The following ST7 variants were observed in gnomAD, a reference collection of about 807,000 sequenced individuals.
ST7 encodes suppression of tumorigenicity 7.
ST7 carries 28 observed loss-of-function variants against 78.7 expected under a neutral mutation model. That is an observed-to-expected ratio of 0.36 (90% CI 0.26 to 0.49). ST7 has a LOEUF of 0.49. ST7 is among the 20% of genes least tolerant of loss of function. ST7 has a pLI of 0.99. For missense variants in ST7, 418 were observed against 696.0 expected, an observed-to-expected ratio of 0.60 and a Z score of 4.49; for synonymous variants, 247 against 249.6, an observed-to-expected ratio of 0.99 and a Z score of 0.10.
intron 1 of ST7, among the ~76,000 whole-genome samples, chr7:117,060,467 T>C (rs1441486182): frequency 6.6e-6 from 1 of 152,124 alleles, no homozygotes; most frequent in Non-Finnish European, 1.5e-5. Context: ...TCTTATCAAG[T>C]CATTACAATG....
intron 9 of ST7, among the ~76,000 whole-genome samples, chr7:117,164,058 G>A (rs1164700613): frequency 1.3e-5 from 2 of 152,130 alleles, no homozygotes; most frequent in East Asian, 3.9e-4. Flanking sequence ...AATAGCCAAA[G>A]CAATTCTAAG....
intron 1 of ST7, among the ~76,000 whole-genome samples, chr7:117,031,882 A>ATTT (rs760153477): frequency 9.1e-6 from 1 of 110,346 alleles, no homozygotes; most frequent in Non-Finnish European, 1.8e-5. Flanking sequence ...ATATATATAT[A>ATTT]TTTTTTTTTT....
chr7:117,117,337 G>T (rs971319501), intron 2 of ST7, among the ~76,000 whole-genome samples: 1 of 152,306 alleles, frequency 6.6e-6, no homozygotes, highest in East Asian at 1.9e-4. Flanking sequence ...ACATAGACTT[G>T]TAGTGGCAGG....
rs1345041107 is a variant in ST7, at chr7:117,230,074, C to A, written c.*217C>A. The A allele has an allele frequency of 1.4e-6, 1 of 708,142 alleles. No homozygotes were observed. Among genetic ancestry groups the A allele is most frequent in the East Asian group, 2.7e-5 (1 of 36,710 alleles). The allele number at this position is 708,142 out of a possible 1,614,324, so 43.9% of individuals were successfully genotyped here. On this transcript the variant is annotated 3_prime_UTR_variant, in exon 16 of 16. Transcript: ENST00000323984. ...TTTTGCCTTCAGAAAAGAAGAAAGT[C>A]AAAAATAAAACTTTTGTGTATTACA...
intron 13 of ST7, among the ~76,000 whole-genome samples, chr7:117,217,171 G>A (rs911177524): frequency 7.3e-5 from 11 of 151,652 alleles, no homozygotes; most frequent in Non-Finnish European, 1.6e-4. Flanking sequence ...ATAAAATTTA[G>A]CATTCAAATT....
chr7:117,196,201 T>A (rs1810289773), intron 12 of ST7, among the ~76,000 whole-genome samples: 1 of 152,242 alleles, frequency 6.6e-6, no homozygotes, highest in South Asian at 2.1e-4. Context: ...ATCTCTTGGC[T>A]ATTGTGAATA....
intron 1 of ST7, among the ~76,000 whole-genome samples, chr7:117,039,548 T>C (rs1297772722): frequency 6.7e-6 from 1 of 150,106 alleles, no homozygotes; most frequent in Non-Finnish European, 1.5e-5. Flanking sequence ...AACTCCAGCC[T>C]GGGCGACAGA....
In ST7 at chr7:117,161,591, CTTTTTTT is replaced by C. The variant is rs60505994; in HGVS notation, c.964-9257_964-9251del. ...TTTTTTCAGTTTGTTTTCTTTCTTT[CTTTTTTT>C]TTTTTTTTTTTTTCTTTCCAAGATG... On this transcript the variant is annotated intron_variant, in intron 9 of 15. Coordinates refer to ENST00000323984, the MANE Select transcript of ST7 (RefSeq NM_001369598.1). Among the ~76,000 whole-genome samples the C allele has an allele frequency of 3.2e-4, 36 of 113,584 alleles. No homozygotes were observed. The East Asian group carries it at 3.9e-3, about 12-fold the overall frequency. 74.5% of individuals were successfully genotyped at this position (113,584 alleles called of 152,430 possible).
intron 10 of ST7, 26 bp downstream of exon 10, chr7:117,171,002 CT>C: frequency 6.9e-7 from 1 of 1,439,596 alleles, no homozygotes; most frequent in South Asian, 1.2e-5. Context: ...TTTTTATTTA[CT>C]TGACTATTCC....
intron 2 of ST7, among the ~76,000 whole-genome samples, chr7:117,119,098 C>T (rs1232118037): frequency 6.6e-6 from 1 of 152,118 alleles, no homozygotes; most frequent in African/African-American, 2.4e-5. Flanking sequence ...ACCCCCACTC[C>T]TTCCTGCCCC....
chr7:117,150,149 G>A (rs1001721501), intron 9 of ST7, among the ~76,000 whole-genome samples: 31 of 152,084 alleles, frequency 2.0e-4, no homozygotes, highest in African/African-American at 7.2e-4. Context: ...GTGGTTGTCT[G>A]AGGTGGGAAG....
At chr7:116,996,126 G>T (rs1214907362) in intron 1 of ST7, among the ~76,000 whole-genome samples, 1 of 144,286 alleles carries the variant, frequency 6.9e-6, no homozygotes, top group Non-Finnish European at 1.5e-5. Context: ...CTGTCGTCCA[G>T]GTTGGAGTGC....
intron 7 of ST7, among the ~76,000 whole-genome samples, chr7:117,135,133 G>A (rs1804680204): frequency 6.6e-6 from 1 of 152,062 alleles, no homozygotes; most frequent in African/African-American, 2.4e-5. Context: ...TGCAGGACCT[G>A]CGTGGTCTGT....
Position 116,955,242 on chromosome 7 carries a change from T to C in ST7, c.151+1551T>C, listed in dbSNP as rs187482076. 405 of 394,290 alleles carry C rather than the reference T, an allele frequency of 1.0e-3. 2 individuals are homozygous for C. Among genetic ancestry groups the C allele is most frequent in the Middle Eastern group, 4.9e-3 (9 of 1,844 alleles). 24.4% of individuals were successfully genotyped at this position (394,290 alleles called of 1,614,324 possible). ...TGTTTTAATGGAATTACGTATTTGT[T>C]GGTAACAGTGTTAGTCTGTTTTGTG... On this transcript the variant is annotated intron_variant, in intron 1 of 15. Coordinates refer to ENST00000323984, the MANE Select transcript of ST7 (RefSeq NM_001369598.1).
chr7:116,977,763 A>AG (rs1793770056), intron 1 of ST7, among the ~76,000 whole-genome samples: 1 of 152,208 alleles, frequency 6.6e-6, no homozygotes, highest in Non-Finnish European at 1.5e-5. Flanking sequence ...CATGTTGGTC[A>AG]GGATGGTCTC....
At chr7:117,039,108 C>G (rs986710892) in intron 1 of ST7, among the ~76,000 whole-genome samples, 1 of 151,706 alleles carries the variant, frequency 6.6e-6, no homozygotes, top group Non-Finnish European at 1.5e-5. Flanking sequence ...GCATTTTTTT[C>G]TCTATAAATA....
rs190779587 is a variant in ST7, at chr7:116,983,100, A to G, written c.151+29409A>G. 7.9e-5 allele frequency among the ~76,000 whole-genome samples: 12 copies of G among 152,066 alleles called. No homozygotes were observed. The East Asian group carries it at 2.1e-3, about 27-fold the overall frequency. Reference sequence around the variant, plus strand: ...TTGAGTAGAGATGTGGTTTCATCATATTGGCCAAGCTGGTCTTGAACTCTT... The same window carrying G: ...TTGAGTAGAGATGTGGTTTCATCATGTTGGCCAAGCTGGTCTTGAACTCTT... On this transcript the variant is annotated intron_variant, in intron 1 of 15. Coordinates refer to ENST00000323984, the MANE Select transcript of ST7 (RefSeq NM_001369598.1).
chr7:117,004,772 TA>T (rs1348229071), intron 1 of ST7, among the ~76,000 whole-genome samples: 1 of 152,230 alleles, frequency 6.6e-6, no homozygotes, highest in Non-Finnish European at 1.5e-5. Flanking sequence ...AGAATAATTT[TA>T]AAATAATACC....
At chr7:117,210,749 G>A (rs1792218917) in intron 13 of ST7, among the ~76,000 whole-genome samples, 1 of 152,146 alleles carries the variant, frequency 6.6e-6, no homozygotes, top group African/African-American at 2.4e-5. Flanking sequence ...GTAAGTGGTG[G>A]GGCTGTTTGA....
Sources: gnomAD v4.1 joint callset for allele counts (sites outside exome capture counted in the v4.1 genomes callset) on GRCh38, gnomAD v4.1.1 for gene constraint, MANE v1.5 for transcripts, NCBI Gene and HGNC (gene_info 2026-07-23, HGNC 2026-07-21) for gene names.